Variants in MEGF11 observed in about 807,000 individuals in gnomAD.
MEGF11 encodes multiple epidermal growth factor-like domains protein 11.
In MEGF11, 126 loss-of-function variants were observed where a neutral mutation model predicts 146.6. The ratio of observed to expected loss-of-function variants is 0.86; its 90% CI spans 0.74 to 1.00. MEGF11 has a LOEUF of 1.00. Ranked by LOEUF, MEGF11 falls within the 50% of genes least tolerant of loss-of-function variation. The pLI is 0.00. For synonymous variants in MEGF11, 532 were observed against 583.4 expected, an observed-to-expected ratio of 0.91 and a Z score of 1.27; for missense variants, 1,509 against 1,521.2, an observed-to-expected ratio of 0.99 and a Z score of 0.13.
At chr15:66,131,774 T>G (rs530254344) in intron 1 of MEGF11, among the ~76,000 whole-genome samples, 1 of 152,354 alleles carries the variant, frequency 6.6e-6, no homozygotes, top group South Asian at 2.1e-4. Flanking sequence ...TAGCATAGCT[T>G]AGACTCTGAG....
At chr15:65,922,099 A>T (rs2079189330) in intron 15 of MEGF11, 4 of 560,642 alleles carry the variant, frequency 7.1e-6, no homozygotes, top group Non-Finnish European at 1.3e-5. Flanking sequence ...TGTTTCTGCC[A>T]CTTGCTAGCT....
intron 1 of MEGF11, among the ~76,000 whole-genome samples, chr15:66,247,632 TCAGGAGGCTGAAA>T (rs1365983152): frequency 2.0e-5 from 3 of 152,136 alleles, no homozygotes; most frequent in African/African-American, 7.2e-5. Flanking sequence ...TCCCATCTAC[TCAGGAGGCTGAAA>T]CAGGAGGATC....
rs552522459 is a variant in MEGF11, at chr15:65,924,698, G to C, written c.1676-1729C>G. 3.4e-3 allele frequency among the ~76,000 whole-genome samples: 464 copies of C among 137,896 alleles called. 29 individuals carry two copies. In the South Asian group the frequency reaches 0.1, roughly 30 times the overall value. The allele number at this position is 137,896 out of a possible 152,430, so 90.5% of individuals were successfully genotyped here. A position where few individuals can be genotyped will look rare whatever the true frequency, so the allele number is the denominator to read the frequency against. On this transcript the variant is annotated intron_variant, in intron 13 of 25. Transcript: ENST00000395614. ...GGTGGGAGTGCAGTGGTGTGATCTT[G>C]GCTCATGGCAACCTCTGCATCCGGG...
At position 65,908,866 on chromosome 15, in the gene MEGF11, C is replaced by T. The variant is rs1007233574; in HGVS notation, c.2998+168G>A. Among the ~76,000 whole-genome samples the T allele has an allele frequency of 7.9e-5, 12 of 152,180 alleles. 1 individual carries two copies. The highest frequency in any genetic ancestry group is 2.9e-4 in the African/African-American group (12 of 41,430). On this transcript the variant is annotated intron_variant, in intron 23 of 25. Coordinates refer to ENST00000395614, the MANE Select transcript of MEGF11 (RefSeq NM_001385028.1). ...TGATGGGGAAGATCCAGACAGGTTT[C>T]CATCTTTAGATAGGGGATTGAGCTG...
intron 1 of MEGF11, among the ~76,000 whole-genome samples, chr15:66,173,952 C>T (rs146487838): frequency 1.1e-3 from 166 of 152,278 alleles, no homozygotes; most frequent in African/African-American, 3.8e-3. Context: ...TCAGAGGGGC[C>T]GACCCTGCCT....
At chr15:65,914,391 C>T (rs1053359546) in intron 19 of MEGF11, among the ~76,000 whole-genome samples, 1 of 152,150 alleles carries the variant, frequency 6.6e-6, no homozygotes, top group Admixed American at 6.5e-5. Flanking sequence ...TTGAACACAG[C>T]TCCTCTCCCT....
chr15:65,911,445 C>T (rs893261011), intron 21 of MEGF11, among the ~76,000 whole-genome samples: 3 of 152,166 alleles, frequency 2.0e-5, no homozygotes, highest in Admixed American at 6.5e-5. Context: ...TGGAGTCTTG[C>T]TCTGTCGTCA....
chr15:66,166,076 T>C (rs562357035), intron 1 of MEGF11, among the ~76,000 whole-genome samples: 3 of 152,232 alleles, frequency 2.0e-5, no homozygotes, highest in African/African-American at 2.4e-5. Context: ...CATAGTTACA[T>C]CAGCAGGGCC....
rs568606958 is a variant in MEGF11 at position 66,223,638 on chromosome 15, G to A, written c.-9+29967C>T. On this transcript the variant is annotated intron_variant, in intron 1 of 25. Coordinates refer to ENST00000395614, the MANE Select transcript of MEGF11 (RefSeq NM_001385028.1). ...CTCGGGAGGCTGAGGCAGGAGAATC[G>A]CTTGAACCTGGGAGGCAGAGGCTGC... Among the ~76,000 whole-genome samples the A allele has an allele frequency of 8.5e-5, 13 of 152,262 alleles. No homozygotes were observed. The South Asian group carries it at 2.7e-3, about 32-fold the overall frequency.
At chr15:66,182,433 C>A (rs538715677) in intron 1 of MEGF11, among the ~76,000 whole-genome samples, 1 of 152,120 alleles carries the variant, frequency 6.6e-6, no homozygotes, top group Non-Finnish European at 1.5e-5. Flanking sequence ...ACAGGGAAAT[C>A]ATTACCTGAT....
At chr15:65,930,022 C>T in intron 11 of MEGF11, 139 bp from the exon 12 acceptor site, 1 of 847,808 alleles carries the variant, frequency 1.2e-6, no homozygotes. Flanking sequence ...ACATTCCACA[C>T]AGAGTTCAGA....
chr15:66,094,742 G>A (rs1490893006), intron 4 of MEGF11, among the ~76,000 whole-genome samples: 2 of 152,110 alleles, frequency 1.3e-5, no homozygotes, highest in East Asian at 3.9e-4. Flanking sequence ...CTGGAGAAGC[G>A]GTAACTCCGT....
intron 5 of MEGF11, among the ~76,000 whole-genome samples, chr15:66,061,633 T>C (rs2084911465): frequency 1.0e-5 from 1 of 100,484 alleles, no homozygotes; most frequent in Non-Finnish European, 1.9e-5. Context: ...GAACCTCTTT[T>C]TTTGAGCCTT....
chr15:66,036,136 G>A (rs1451999811), intron 5 of MEGF11, among the ~76,000 whole-genome samples: 3 of 152,228 alleles, frequency 2.0e-5, no homozygotes, highest in South Asian at 2.1e-4. Flanking sequence ...TTCAACCAAC[G>A]GGAACAGGGA....
At chr15:66,138,622 C>G (rs981903279) in intron 1 of MEGF11, among the ~76,000 whole-genome samples, 1 of 152,184 alleles carries the variant, frequency 6.6e-6, no homozygotes, top group Non-Finnish European at 1.5e-5. Flanking sequence ...GAACAGCAAG[C>G]ACAGGGAGCC....
At chr15:66,126,341 C>T (rs187362659) in intron 2 of MEGF11, among the ~76,000 whole-genome samples, 25 of 152,266 alleles carry the variant, frequency 1.6e-4, no homozygotes, top group African/African-American at 4.8e-4. Flanking sequence ...CCCTTGGGGC[C>T]GGAGAAGCCC....
intron 10 of MEGF11, among the ~76,000 whole-genome samples, chr15:65,955,759 A>AAAAAAAT (rs2080572183): frequency 6.1e-5 from 1 of 16,376 alleles, no homozygotes; most frequent in Admixed American, 1.5e-3. Context: ...AAAAAAAAAA[A>AAAAAAAT]AAATATATAT....
intron 1 of MEGF11, among the ~76,000 whole-genome samples, chr15:66,227,187 C>T (rs908143604): frequency 6.6e-6 from 1 of 152,030 alleles, no homozygotes; most frequent in Non-Finnish European, 1.5e-5. Context: ...TTCTGCGGTT[C>T]GTGGAGGATG....
rs188819842 is a variant in MEGF11 at position 66,028,851 on chromosome 15, C to T, written c.395-46363G>A. On this transcript the variant is annotated intron_variant, in intron 5 of 25. Transcript: ENST00000395614. ...CTGACAAGGATCAGAAGGGACTATGCAAAACGAAATTAATTACTGTGTTAA... is the reference window on the plus strand; with the variant it reads ...CTGACAAGGATCAGAAGGGACTATGTAAAACGAAATTAATTACTGTGTTAA... Among the ~76,000 whole-genome samples the T allele has an allele frequency of 7.1e-3, 1,077 of 152,290 alleles. 12 individuals are homozygous for T. Among genetic ancestry groups the T allele is most frequent in the Non-Finnish European group, 9.4e-3 (642 of 68,022 alleles).
Sources: gnomAD v4.1 joint callset for allele counts (sites outside exome capture counted in the v4.1 genomes callset) on GRCh38, gnomAD v4.1.1 for gene constraint, MANE v1.5 for transcripts, NCBI Gene and HGNC (gene_info 2026-07-23, HGNC 2026-07-21) for gene names.